GDPD4: variants seen among roughly 807,000 people sequenced by gnomAD.
GDPD4 encodes glycerophosphodiester phosphodiesterase domain containing 4, also known as glycerophosphodiester phosphodiesterase 6.
Under a neutral mutation model 67.8 loss-of-function variants are expected in GDPD4, and 60 were observed. That is an observed-to-expected ratio of 0.88 (90% CI 0.72 to 1.10). The LOEUF (loss-of-function observed/expected upper bound fraction) is 1.10. GDPD4 is among the 50% of genes least tolerant of loss of function. The probability of loss-of-function intolerance (pLI) is 0.00; values close to 1 mark genes in which losing one functional copy is unlikely to be tolerated. For synonymous variants in GDPD4, 212 were observed against 210.9 expected, an observed-to-expected ratio of 1.00 and a Z score of -0.04; for missense variants, 623 against 613.9, an observed-to-expected ratio of 1.01 and a Z score of -0.16.
intron 1 of GDPD4, among the ~76,000 whole-genome samples, chr11:77,290,108 C>T (rs890614916): frequency 6.6e-6 from 1 of 152,122 alleles, no homozygotes; most frequent in Non-Finnish European, 1.5e-5. Flanking sequence ...ACTTTATAGT[C>T]AAACTGCCAA....
chr11:77,290,641 A>G (rs1417187671), intron 1 of GDPD4, among the ~76,000 whole-genome samples: 1 of 152,206 alleles, frequency 6.6e-6, no homozygotes, highest in Admixed American at 6.5e-5. Context: ...TTATACCAAT[A>G]AACATTTACA....
rs576685015 is a variant in GDPD4, at chr11:77,260,054, C to T, written c.708-1512G>A. Among the ~76,000 whole-genome samples, 23 of 152,212 alleles carry T rather than the reference C, an allele frequency of 1.5e-4. No homozygotes were observed. The South Asian group carries it at 3.3e-3, about 22-fold the overall frequency. ...GGGGATAATTGGCCAGGCGCGGTGG[C>T]TCACGCCTGTAATCCCAACACTTTG... On this transcript the variant is annotated intron_variant, in intron 10 of 16. Coordinates refer to ENST00000315938, the MANE Select transcript of GDPD4 (RefSeq NM_182833.3).
At chr11:77,285,791 C>A (rs1959969390) in intron 2 of GDPD4, among the ~76,000 whole-genome samples, 1 of 152,170 alleles carries the variant, frequency 6.6e-6, no homozygotes, top group Non-Finnish European at 1.5e-5. Flanking sequence ...ATAATTGATT[C>A]AAGATCACAC....
intron 13 of GDPD4, among the ~76,000 whole-genome samples, chr11:77,241,082 T>C (rs528155688): frequency 8.5e-4 from 130 of 152,336 alleles, no homozygotes; most frequent in African/African-American, 3.0e-3. Flanking sequence ...ACTGAGTATA[T>C]ATCCAAAGGA....
chr11:77,300,976 T>C (rs1938139726), intron 1 of GDPD4, among the ~76,000 whole-genome samples: 1 of 152,154 alleles, frequency 6.6e-6, no homozygotes. Flanking sequence ...TGCTTGGATA[T>C]CGAATAAAAG....
At chr11:77,226,816 C>A (rs1958348922) in intron 16 of GDPD4, among the ~76,000 whole-genome samples, 1 of 152,140 alleles carries the variant, frequency 6.6e-6, no homozygotes, top group African/African-American at 2.4e-5. Context: ...GCTTAAACCT[C>A]CAGTTTCACA....
intron 14 of GDPD4, among the ~76,000 whole-genome samples, chr11:77,231,310 CAAACAG>C (rs976707221): frequency 1.3e-5 from 2 of 152,152 alleles, no homozygotes; most frequent in African/African-American, 4.8e-5. Context: ...CCCCAATTTT[CAAACAG>C]AAGAAACAAA....
intron 1 of GDPD4, among the ~76,000 whole-genome samples, chr11:77,295,133 TTTGTTG>T (rs1270283551): frequency 3.3e-5 from 5 of 151,278 alleles, no homozygotes; most frequent in Non-Finnish European, 5.9e-5. Flanking sequence ...TCCAGCTAAT[TTTGTTG>T]TTGTTGTTGT....
chr11:77,236,729 A>AAAACACACAC (rs372484147), intron 13 of GDPD4, among the ~76,000 whole-genome samples: 1 of 145,388 alleles, frequency 6.9e-6, no homozygotes, highest in African/African-American at 2.5e-5. Flanking sequence ...ACAAGAAGGA[A>AAAACACACAC]ACACACACAC....
At chr11:77,268,259 T>C (rs1959187813) in intron 10 of GDPD4, among the ~76,000 whole-genome samples, 198 bp downstream of exon 10, 1 of 152,092 alleles carries the variant, frequency 6.6e-6, no homozygotes, top group South Asian at 2.1e-4. Context: ...TTTGTAACCC[T>C]GTCATTGAAA....
intron 16 of GDPD4, among the ~76,000 whole-genome samples, chr11:77,222,936 A>ACT (rs1958256308): frequency 6.6e-6 from 1 of 151,278 alleles, no homozygotes; most frequent in African/African-American, 2.4e-5. Flanking sequence ...ATTTCTTTTT[A>ACT]CTCTACTTCT....
At chr11:77,217,393 C>T in intron 16 of GDPD4, 79 bp from the exon 17 acceptor site, 3 of 1,163,818 alleles carry the variant, frequency 2.6e-6, no homozygotes, top group Non-Finnish European at 3.9e-6. Flanking sequence ...TTCAAGTTAT[C>T]TCTTAAATGT....
At chr11:77,233,238 A>G in intron 13 of GDPD4, 66 bp from the exon 14 acceptor site, 1 of 1,502,352 alleles carries the variant, frequency 6.7e-7, no homozygotes, top group Non-Finnish European at 9.2e-7. Flanking sequence ...TAAAAGGAGA[A>G]CAGCCACCAT....
chr11:77,262,845 T>C (rs560902889), intron 10 of GDPD4, among the ~76,000 whole-genome samples: 1 of 110,108 alleles, frequency 9.1e-6, no homozygotes, highest in African/African-American at 3.8e-5. Flanking sequence ...ACTAAATCTT[T>C]CTCTGCTGCA....
intron 6 of GDPD4, 31 bp downstream of exon 6, chr11:77,271,264 G>T: frequency 6.2e-7 from 1 of 1,605,236 alleles, no homozygotes; most frequent in Non-Finnish European, 8.5e-7. Flanking sequence ...CATCTAGACA[G>T]CTAGTGCTGG....
chr11:77,287,190 T>C (rs1960029814), intron 2 of GDPD4, 28 bp downstream of exon 2: 1 of 152,152 alleles, frequency 6.6e-6, no homozygotes, highest in South Asian at 2.1e-4. Context: ...TCTGAGAAAA[T>C]GTGGTCCAGC....
chr11:77,225,128 G>A (rs892209169), intron 16 of GDPD4, among the ~76,000 whole-genome samples: 3 of 151,964 alleles, frequency 2.0e-5, no homozygotes, highest in South Asian at 4.2e-4. Context: ...CAAAAAACTA[G>A]TAAACACAGC....
chr11:77,274,386 A>G (rs1337771117), intron 5 of GDPD4, among the ~76,000 whole-genome samples: 1 of 152,132 alleles, frequency 6.6e-6, no homozygotes, highest in Non-Finnish European at 1.5e-5. Flanking sequence ...AGGTGTTTGG[A>G]TCATGGGGAC....
Position 77,233,168 on chromosome 11 carries a change from A to T in GDPD4, c.1246T>A (p.Tyr416Asn), listed in dbSNP as rs1210153282. The change falls in exon 14 of 17, where the codon TAT becomes AAT. Residue 416 changes from tyrosine (Y) to asparagine (N), a missense_variant. By Grantham distance (143) the Tyr-to-Asn change is moderately radical. Coordinates refer to ENST00000315938, the MANE Select transcript of GDPD4 (RefSeq NM_182833.3). ...KKLFPNGLRD[Y>N]KAANIHINVY... ...TTGATATGGATGTTAGCTGCTTTATAATCTCTGGAACAAAAACAGAACCCA... is the reference window on the plus strand; with the variant it reads ...TTGATATGGATGTTAGCTGCTTTATTATCTCTGGAACAAAAACAGAACCCA... The T allele has an allele frequency of 6.2e-7, 1 of 1,613,438 alleles. No homozygotes were observed. The highest frequency in any genetic ancestry group is 2.2e-5 in the East Asian group (1 of 44,880).
Sources: allele counts gnomAD v4.1 joint callset (sites outside exome capture counted in the v4.1 genomes callset), GRCh38; gene constraint gnomAD v4.1.1; transcripts MANE v1.5; gene names NCBI Gene and HGNC (gene_info 2026-07-23, HGNC 2026-07-21).